Variants in RORA observed in about 807,000 individuals in gnomAD.
RORA encodes RAR related orphan receptor A, also known as nuclear receptor ROR-alpha.
A neutral mutation model predicts 69.5 loss-of-function variants in RORA; 7 were observed. The ratio of observed to expected loss-of-function variants is 0.10; its 90% CI spans 0.06 to 0.19. RORA has a LOEUF of 0.19. Ranked by LOEUF, RORA falls within the 10% of genes least tolerant of loss-of-function variation. The probability of loss-of-function intolerance (pLI) is 1.00; values close to 1 mark genes in which losing one functional copy is unlikely to be tolerated. For synonymous variants in RORA, 261 were observed against 240.8 expected, an observed-to-expected ratio of 1.08 and a Z score of -0.78; for missense variants, 457 against 663.0, an observed-to-expected ratio of 0.69 and a Z score of 3.41.
At chr15:60,744,153 GAGAT>G (rs368721684) in intron 1 of RORA, among the ~76,000 whole-genome samples, 172 of 152,052 alleles carry the variant, frequency 1.1e-3, no homozygotes, top group African/African-American at 3.9e-3. Context: ...GAATTTTGAG[GAGAT>G]AGATAGATAA....
rs531182720 is a variant in RORA, at chr15:60,837,540, C to T, written c.167-158854G>A. Among the ~76,000 whole-genome samples the T allele has an allele frequency of 3.3e-5, 5 of 152,350 alleles. No homozygotes were observed. In the East Asian group the frequency reaches 9.6e-4, roughly 29 times the overall value. ...CTACAAGTTCCACATGTGAAAAACACAAAGCAAGAAAATCGCCACCTCCTG... is the reference window on the plus strand; with the variant it reads ...CTACAAGTTCCACATGTGAAAAACATAAAGCAAGAAAATCGCCACCTCCTG... On this transcript the variant is annotated intron_variant, in intron 1 of 10. Coordinates refer to ENST00000335670, the MANE Select transcript of RORA (RefSeq NM_134261.3).
At chr15:60,569,883 A>T (rs2140449199) in intron 2 of RORA, among the ~76,000 whole-genome samples, 1 of 152,374 alleles carries the variant, frequency 6.6e-6, no homozygotes, top group South Asian at 2.1e-4. Context: ...GATTTAGCAG[A>T]TATTAACTGC....
chr15:60,973,042 G>C (rs1160372738), intron 1 of RORA, among the ~76,000 whole-genome samples: 2 of 151,470 alleles, frequency 1.3e-5, no homozygotes, highest in East Asian at 1.9e-4. Context: ...TAAGTCATCC[G>C]ATGACTCATG....
chr15:61,169,644 A>G (rs957200152), intron 1 of RORA, among the ~76,000 whole-genome samples: 13 of 124,144 alleles, frequency 1.0e-4, no homozygotes, highest in Admixed American at 3.4e-4. Context: ...CATTTTCATG[A>G]AAAAAAAAAA....
chr15:60,645,685 G>A (rs2070028278), intron 2 of RORA, among the ~76,000 whole-genome samples: 1 of 152,084 alleles, frequency 6.6e-6, no homozygotes, highest in South Asian at 2.1e-4. Context: ...CAGCCAAGGT[G>A]ACCAATTTCC....
chr15:61,133,083 T>C (rs189155962), intron 1 of RORA, among the ~76,000 whole-genome samples: 174 of 152,036 alleles, frequency 1.1e-3, no homozygotes, highest in African/African-American at 4.1e-3. Context: ...CTGTAAATAC[T>C]AGAAAATGTA....
intron 1 of RORA, among the ~76,000 whole-genome samples, chr15:60,819,827 G>C (rs1407579754): frequency 6.7e-6 from 1 of 149,064 alleles, no homozygotes; most frequent in South Asian, 2.1e-4. Flanking sequence ...ACTCATGGCC[G>C]GCCCCTCTGC....
At position 60,877,571 on chromosome 15, in the gene RORA, A is replaced by G. The variant is rs143990874; in HGVS notation, c.167-198885T>C. Among the ~76,000 whole-genome samples the G allele has an allele frequency of 6.5e-4, 99 of 152,040 alleles. 3 individuals carry two copies. The South Asian group carries it at 0.012, about 19-fold the overall frequency. ...CTGTTATTATTTTTAAAATCCAGGT[A>G]GATGTTATCACTCTCATTGTTATTA... is the stretch of plus-strand genomic sequence containing the variant. On this transcript the variant is annotated intron_variant, in intron 1 of 10. Transcript: ENST00000335670.
chr15:60,985,411 G>A lies in RORA; in HGVS notation c.166+243642C>T, dbSNP rs150580291. Among the ~76,000 whole-genome samples, 147 of 152,068 alleles carry A rather than the reference G, an allele frequency of 9.7e-4. 1 individual carries two copies. Among genetic ancestry groups the A allele is most frequent in the Middle Eastern group, 3.4e-3 (1 of 294 alleles). ...AAAAAGAAGAACTAAATTAAAATTCGTTTCGCCCTGAGAGCAATCAGTATA... is the reference window on the plus strand; with the variant it reads ...AAAAAGAAGAACTAAATTAAAATTCATTTCGCCCTGAGAGCAATCAGTATA... On this transcript the variant is annotated intron_variant, in intron 1 of 10. Coordinates refer to ENST00000335670, the MANE Select transcript of RORA (RefSeq NM_134261.3).
chr15:60,583,820 C>A (rs1449085507), intron 2 of RORA, among the ~76,000 whole-genome samples: 1 of 152,266 alleles, frequency 6.6e-6, no homozygotes, highest in Admixed American at 6.5e-5. Context: ...GAATGGTTAC[C>A]TTAATATAAT....
intron 1 of RORA, among the ~76,000 whole-genome samples, chr15:60,809,638 A>T (rs1209355565): frequency 1.3e-5 from 2 of 151,498 alleles, no homozygotes; most frequent in Admixed American, 6.6e-5. Context: ...ACACATGCAC[A>T]TTTCCTGTTC....
chr15:61,179,807 G>T (rs1287307747), intron 1 of RORA, among the ~76,000 whole-genome samples: 1 of 152,132 alleles, frequency 6.6e-6, no homozygotes, highest in Non-Finnish European at 1.5e-5. Context: ...CTCCACACCT[G>T]CTTACACATG....
chr15:61,179,073 A>G (rs980740875), intron 1 of RORA, among the ~76,000 whole-genome samples: 1 of 152,190 alleles, frequency 6.6e-6, no homozygotes, highest in East Asian at 1.9e-4. Context: ...GGGATGTAAT[A>G]TGGACCCGAG....
chr15:60,536,617 T>C (rs1230862388), intron 2 of RORA, among the ~76,000 whole-genome samples: 2 of 152,274 alleles, frequency 1.3e-5, no homozygotes, highest in Admixed American at 6.5e-5. Flanking sequence ...TAAACTAATA[T>C]AGACCCAAGG....
At chr15:60,665,324 G>A (rs2070363446) in intron 2 of RORA, among the ~76,000 whole-genome samples, 2 of 152,136 alleles carry the variant, frequency 1.3e-5, no homozygotes, top group Admixed American at 1.3e-4. Flanking sequence ...TTGCATAAAT[G>A]TAGATGCCAA....
At chr15:61,189,339 C>G (rs183046397) in intron 1 of RORA, among the ~76,000 whole-genome samples, 14 of 152,190 alleles carry the variant, frequency 9.2e-5, no homozygotes, top group Admixed American at 9.2e-4. Flanking sequence ...CATCCAGTGC[C>G]TGTATCCACG....
At chr15:60,998,881 C>A (rs920831826) in intron 1 of RORA, among the ~76,000 whole-genome samples, 1 of 152,196 alleles carries the variant, frequency 6.6e-6, no homozygotes, top group African/African-American at 2.4e-5. Flanking sequence ...AGAGCAAGAA[C>A]CAAACTGACA....
intron 1 of RORA, among the ~76,000 whole-genome samples, chr15:60,887,366 G>A (rs1319712596): frequency 6.6e-6 from 1 of 152,100 alleles, no homozygotes; most frequent in Non-Finnish European, 1.5e-5. Context: ...CCTGTTTCAT[G>A]ATAAAAGGAA....
chr15:61,190,884 G>A (rs1215816500), intron 1 of RORA, among the ~76,000 whole-genome samples: 1 of 152,066 alleles, frequency 6.6e-6, no homozygotes. Context: ...AAATGCTTTT[G>A]CTTATATATA....
Sources: allele counts gnomAD v4.1 joint callset (sites outside exome capture counted in the v4.1 genomes callset), GRCh38; gene constraint gnomAD v4.1.1; transcripts MANE v1.5; gene names NCBI Gene and HGNC (gene_info 2026-07-23, HGNC 2026-07-21).